SLC15A4: variants seen among roughly 807,000 people sequenced by gnomAD.
SLC15A4 encodes the protein solute carrier family 15 member 4.
SLC15A4 carries 26 observed loss-of-function variants against 46.1 expected under a neutral mutation model. The observed-to-expected ratio is 0.56, with a 90% confidence interval of 0.41 to 0.78. The LOEUF (loss-of-function observed/expected upper bound fraction) is 0.78. Among genes scored for constraint, SLC15A4 ranks in the 30% least tolerant of loss-of-function variants. The probability of loss-of-function intolerance (pLI) is 0.00; values close to 1 mark genes in which losing one functional copy is unlikely to be tolerated. For missense variants in SLC15A4, 751 were observed against 755.7 expected (o/e 0.99, Z 0.07); for synonymous variants, 370 against 333.4 (o/e 1.11, Z -1.20).
intron 5 of SLC15A4, among the ~76,000 whole-genome samples, chr12:128,803,449 G>T (rs552365577): frequency 6.6e-6 from 1 of 150,482 alleles, no homozygotes; most frequent in South Asian, 2.1e-4. Flanking sequence ...AAGCTGGGGG[G>T]AGAAATAACC....
intron 7 of SLC15A4, among the ~76,000 whole-genome samples, chr12:128,797,041 G>C (rs1955453797): frequency 6.6e-6 from 1 of 152,102 alleles, no homozygotes; most frequent in Admixed American, 6.5e-5. Flanking sequence ...TGCATTCCTG[G>C]GCCTCTTCAC....
chr12:128,820,900 G>A (rs532091266), intron 1 of SLC15A4, among the ~76,000 whole-genome samples: 1 of 152,302 alleles, frequency 6.6e-6, no homozygotes, highest in African/African-American at 2.4e-5. Context: ...GATCCCCAGT[G>A]CTTCTCGTGG....
chr12:128,802,072 T>C (rs1955524298), intron 5 of SLC15A4, among the ~76,000 whole-genome samples: 1 of 152,044 alleles, frequency 6.6e-6, no homozygotes, highest in African/African-American at 2.4e-5. Flanking sequence ...CTTACTTCCA[T>C]CAGAAAACCT....
intron 5 of SLC15A4, among the ~76,000 whole-genome samples, chr12:128,802,912 G>C (rs1955534368): frequency 6.6e-6 from 1 of 152,198 alleles, no homozygotes; most frequent in Non-Finnish European, 1.5e-5. Flanking sequence ...GCGGAAACCA[G>C]GATCGGGACG....
chr12:128,806,880 T>C (rs905590154), intron 5 of SLC15A4, among the ~76,000 whole-genome samples: 4 of 150,418 alleles, frequency 2.7e-5, no homozygotes, highest in African/African-American at 9.8e-5. Context: ...CTGGACTTGA[T>C]GTGCTGTGGA....
intron 7 of SLC15A4, among the ~76,000 whole-genome samples, chr12:128,796,771 A>G (rs1398061027): frequency 6.6e-6 from 1 of 152,224 alleles, no homozygotes; most frequent in Admixed American, 6.5e-5. Flanking sequence ...CAAAATATAA[A>G]CGACATCATT....
chr12:128,816,866 C>G (rs1207230779), intron 1 of SLC15A4, among the ~76,000 whole-genome samples: 1 of 152,130 alleles, frequency 6.6e-6, no homozygotes, highest in African/African-American at 2.4e-5. Context: ...GCACATGCAT[C>G]TTTTTAGCAG....
At chr12:128,823,089 CGGCCTCCCAAAGTGCTGGAATT>C (rs1955872859) in intron 1 of SLC15A4, among the ~76,000 whole-genome samples, 1 of 152,198 alleles carries the variant, frequency 6.6e-6, no homozygotes, top group Non-Finnish European at 1.5e-5. Context: ...CCTCCCGCCT[CGGCCTCCCAAAGTGCTGGAATT>C]ACAGGCGTGA....
At chr12:128,814,350 G>A (rs1189444176) in intron 2 of SLC15A4, 1 of 182,760 alleles carries the variant, frequency 5.5e-6, no homozygotes, top group Non-Finnish European at 1.2e-5. Flanking sequence ...ACTTTTTAAA[G>A]AGCAGAGACA....
At chr12:128,822,550 T>C (rs1352480245) in intron 1 of SLC15A4, among the ~76,000 whole-genome samples, 1 of 152,148 alleles carries the variant, frequency 6.6e-6, no homozygotes, top group Non-Finnish European at 1.5e-5. Flanking sequence ...TTTTTATTTA[T>C]TTATTTATTT....
intron 2 of SLC15A4, chr12:128,813,499 A>T (rs1292116434): frequency 6.6e-6 from 1 of 152,236 alleles, no homozygotes; most frequent in African/African-American, 2.4e-5. Flanking sequence ...GTAGGCGCAC[A>T]GGGCTATTTT....
At chr12:128,804,418 T>A (rs745513209) in intron 5 of SLC15A4, among the ~76,000 whole-genome samples, 1 of 152,166 alleles carries the variant, frequency 6.6e-6, no homozygotes, top group Non-Finnish European at 1.5e-5. Flanking sequence ...TTTTCATTAT[T>A]AAATAGAATA....
At chr12:128,806,165 C>CAAAAAAAAAA (rs765448653) in intron 5 of SLC15A4, among the ~76,000 whole-genome samples, 1 of 86,298 alleles carries the variant, frequency 1.2e-5, no homozygotes, top group African/African-American at 4.6e-5. Context: ...GACTCTGTCT[C>CAAAAAAAAAA]AAAAAAAAAA....
At chr12:128,822,706 C>G (rs1955864247) in intron 1 of SLC15A4, among the ~76,000 whole-genome samples, 1 of 152,178 alleles carries the variant, frequency 6.6e-6, no homozygotes. Context: ...TGCCCGCCAC[C>G]ACGCTCGGCT....
chr12:128,806,309 G>A (rs570247704), intron 5 of SLC15A4, among the ~76,000 whole-genome samples: 1 of 151,972 alleles, frequency 6.6e-6, no homozygotes, highest in Non-Finnish European at 1.5e-5. Flanking sequence ...TAAATTTTGG[G>A]AAAGAATCTT....
At chr12:128,800,825 C>CA (rs1036007817) in intron 6 of SLC15A4, 29 bp downstream of exon 6, 1 of 1,590,480 alleles carries the variant, frequency 6.3e-7, no homozygotes, top group African/African-American at 1.3e-5. Context: ...TGCCTGGACT[C>CA]AGACACCTCC....
chr12:128,820,360 T>G (rs1955816101), intron 1 of SLC15A4, among the ~76,000 whole-genome samples: 1 of 152,220 alleles, frequency 6.6e-6, no homozygotes, highest in African/African-American at 2.4e-5. Flanking sequence ...ATCAGTAAAG[T>G]GGATCTAAGA....
chr12:128,803,691 G>T (rs1670835085), intron 5 of SLC15A4, among the ~76,000 whole-genome samples: 1 of 151,930 alleles, frequency 6.6e-6, no homozygotes, highest in Admixed American at 6.6e-5. Flanking sequence ...TTTTGTCCTT[G>T]TCAGAACAGG....
intron 5 of SLC15A4, among the ~76,000 whole-genome samples, chr12:128,803,237 A>G (rs183257348): frequency 6.0e-4 from 91 of 152,346 alleles, no homozygotes; most frequent in African/African-American, 2.1e-3. Context: ...TAACCCAAAG[A>G]TTGTAAATAA....
Sources: allele counts gnomAD v4.1 joint callset (sites outside exome capture counted in the v4.1 genomes callset), GRCh38; gene constraint gnomAD v4.1.1; transcripts MANE v1.5; gene names NCBI Gene and HGNC (gene_info 2026-07-23, HGNC 2026-07-21).